The following MGLL variants were observed in gnomAD, a reference collection of about 807,000 sequenced individuals.
MGLL encodes the protein lysophospholipase homolog.
A neutral mutation model predicts 29.1 loss-of-function variants in MGLL; 7 were observed. That is an observed-to-expected ratio of 0.24 (90% CI 0.14 to 0.45). MGLL has a LOEUF of 0.45. Among genes scored for constraint, MGLL ranks in the 20% least tolerant of loss-of-function variants. The pLI is 0.99. For missense variants in MGLL, 356 were observed against 413.6 expected (o/e 0.86, Z 1.21); for synonymous variants, 148 against 168.3 (o/e 0.88, Z 0.93).
At chr3:127,746,613 C>T (rs900521303) in intron 3 of MGLL, among the ~76,000 whole-genome samples, 2 of 152,174 alleles carry the variant, frequency 1.3e-5, no homozygotes, top group South Asian at 2.1e-4. Context: ...CAACCTGGAC[C>T]TCTAGCTGCA....
intron 3 of MGLL, among the ~76,000 whole-genome samples, chr3:127,735,219 A>G (rs2076222562): frequency 6.6e-6 from 1 of 152,260 alleles, no homozygotes; most frequent in African/African-American, 2.4e-5. Context: ...GAGAGAAACT[A>G]GTACAACCCC....
chr3:127,712,232 C>A (rs2075729326), intron 5 of MGLL: 1 of 152,238 alleles, frequency 6.6e-6, no homozygotes, highest in South Asian at 2.1e-4. Flanking sequence ...AGAGCTCTAA[C>A]CTTCCCGTGG....
chr3:127,796,009 T>C (rs1391921183), intron 2 of MGLL, among the ~76,000 whole-genome samples: 1 of 152,232 alleles, frequency 6.6e-6, no homozygotes, highest in Non-Finnish European at 1.5e-5. Flanking sequence ...TTAACATCTT[T>C]CCATGAACAT....
At chr3:127,705,285 C>T (rs1053896212) in intron 6 of MGLL, among the ~76,000 whole-genome samples, 6 of 151,918 alleles carry the variant, frequency 3.9e-5, no homozygotes, top group Admixed American at 2.6e-4. Context: ...GGGCTTAATA[C>T]CTAGGTGATG....
At chr3:127,751,759 A>C (rs1459452468) in intron 3 of MGLL, among the ~76,000 whole-genome samples, 1 of 152,172 alleles carries the variant, frequency 6.6e-6, no homozygotes, top group Non-Finnish European at 1.5e-5. Context: ...ACCCCAAAAA[A>C]TAAAATAAAA....
chr3:127,738,196 G>C (rs1257462205), intron 3 of MGLL, among the ~76,000 whole-genome samples: 1 of 151,854 alleles, frequency 6.6e-6, no homozygotes, highest in Non-Finnish European at 1.5e-5. Flanking sequence ...AGCTATTCGG[G>C]AAGCTGAGGC....
intron 3 of MGLL, among the ~76,000 whole-genome samples, chr3:127,755,055 G>C (rs955251148): frequency 2.6e-5 from 4 of 152,056 alleles, no homozygotes; most frequent in Non-Finnish European, 4.4e-5. Context: ...GCACAGTCAC[G>C]AGCTGTGGCA....
rs148131523 is a variant in MGLL, at chr3:127,745,669, T to C, written c.263-23103A>G. Among the ~76,000 whole-genome samples the C allele has an allele frequency of 1.7e-3, 253 of 152,328 alleles. 7 individuals are homozygous for C. Among genetic ancestry groups the C allele is most frequent in the African/African-American group, 5.6e-3 (232 of 41,566 alleles). ...TATCCATGTAACAAAGCTGCACTTG[T>C]ACCCATACATTTATATGAATAATAA... On this transcript the variant is annotated intron_variant, in intron 3 of 7. Coordinates refer to ENST00000265052, the MANE Select transcript of MGLL (RefSeq NM_007283.7).
intron 2 of MGLL, among the ~76,000 whole-genome samples, chr3:127,809,824 A>G (rs2077630428): frequency 1.3e-5 from 2 of 152,256 alleles, no homozygotes; most frequent in Admixed American, 6.5e-5. Flanking sequence ...CTGAGACTAG[A>G]TGGTCTTGGA....
intron 5 of MGLL, chr3:127,713,466 A>T (rs2075758244): frequency 6.6e-6 from 1 of 152,350 alleles, no homozygotes; most frequent in Non-Finnish European, 1.5e-5. Context: ...GGGCCCACAC[A>T]GCCTTCTCAG....
chr3:127,766,829 G>A (rs1300801280), intron 3 of MGLL, among the ~76,000 whole-genome samples: 3 of 152,160 alleles, frequency 2.0e-5, no homozygotes, highest in Non-Finnish European at 4.4e-5. Flanking sequence ...CCAGCATTCT[G>A]GGAGGCTGAG....
chr3:127,762,500 CA>C (rs1296955597), intron 3 of MGLL, among the ~76,000 whole-genome samples: 3 of 152,152 alleles, frequency 2.0e-5, no homozygotes, highest in Non-Finnish European at 4.4e-5. Flanking sequence ...CACTTGCAGC[CA>C]GAGTGATTTT....
At chr3:127,726,172 GAAAGA>G (rs2076034616) in intron 3 of MGLL, among the ~76,000 whole-genome samples, 2 of 37,156 alleles carry the variant, frequency 5.4e-5, no homozygotes, top group Admixed American at 2.7e-4. Context: ...AAGAAAGAAA[GAAAGA>G]AAGAAAGAAA....
intron 3 of MGLL, among the ~76,000 whole-genome samples, chr3:127,737,547 G>A (rs1043942660): frequency 6.1e-5 from 9 of 148,642 alleles, no homozygotes; most frequent in East Asian, 2.0e-4. Flanking sequence ...TGTATTCTCC[G>A]CACTGGAACA....
intron 3 of MGLL, among the ~76,000 whole-genome samples, chr3:127,723,925 C>A (rs567464057): frequency 6.6e-6 from 1 of 152,226 alleles, no homozygotes; most frequent in African/African-American, 2.4e-5. Flanking sequence ...TAAATGAGGT[C>A]CTTAGGGTGG....
intron 2 of MGLL, among the ~76,000 whole-genome samples, chr3:127,785,551 G>C (rs1049379140): frequency 1.3e-5 from 2 of 152,248 alleles, no homozygotes; most frequent in African/African-American, 4.8e-5. Flanking sequence ...CAGTTGCTGG[G>C]AGGCTGTGAA....
At chr3:127,725,748 T>C (rs1403259762) in intron 3 of MGLL, among the ~76,000 whole-genome samples, 1 of 152,318 alleles carries the variant, frequency 6.6e-6, no homozygotes, top group South Asian at 2.1e-4. Flanking sequence ...CATTTATGAA[T>C]ATAAAAATGG....
At chr3:127,758,799 TATC>T (rs1253716269) in intron 3 of MGLL, among the ~76,000 whole-genome samples, 1 of 152,194 alleles carries the variant, frequency 6.6e-6, no homozygotes, top group East Asian at 1.9e-4. Context: ...GGGAGAAAAA[TATC>T]ATTCTTGAAA....
rs371160652 is a variant in MGLL at position 127,738,922 on chromosome 3, G to C, written c.263-16356C>G. Among the ~76,000 whole-genome samples, 7 of 152,198 alleles carry C rather than the reference G, an allele frequency of 4.6e-5. No homozygotes were observed. In the East Asian group the frequency reaches 1.3e-3, roughly 29 times the overall value. ...TCTTACCAATGCCCTACGGCCACAC[G>C]CAACCAGTGGCTTCCACGCAGGATG... On this transcript the variant is annotated intron_variant, in intron 3 of 7. Transcript: ENST00000265052.
Sources: gnomAD v4.1 joint callset for allele counts (sites outside exome capture counted in the v4.1 genomes callset) on GRCh38, gnomAD v4.1.1 for gene constraint, MANE v1.5 for transcripts, NCBI Gene and HGNC (gene_info 2026-07-23, HGNC 2026-07-21) for gene names.